Variants in FOLR3 observed in about 807,000 individuals in gnomAD.
The protein encoded by FOLR3 is folate receptor gamma, also known as folate receptor 3 (gamma).
FOLR3 carries 9 observed loss-of-function variants against 20.0 expected under a neutral mutation model. The ratio of observed to expected loss-of-function variants is 0.45; its 90% CI spans 0.27 to 0.79. The LOEUF is 0.79. Among genes scored for constraint, FOLR3 ranks in the 30% least tolerant of loss-of-function variants. The pLI is 0.15. For synonymous variants in FOLR3, 124 were observed against 115.5 expected (o/e 1.07, Z -0.47); for missense variants, 309 against 323.5 (o/e 0.96, Z 0.34).
Position 72,136,086 on chromosome 11 carries a change from C to T in FOLR3, c.134C>T (p.Thr45Ile). 1 of 1,614,104 alleles carries T rather than the reference C, an allele frequency of 6.2e-7. No individual in the cohort carries two copies. The highest frequency in any genetic ancestry group is 8.5e-7 in the Non-Finnish European group (1 of 1,179,950). Residue 45 changes from threonine (T) to isoleucine (I), a missense_variant, in exon 2 of 5, where the codon ACA becomes ATA. Physicochemically the swap from Thr to Ile is moderately conservative, Grantham distance 89. Transcript: ENST00000611028. ...TGCATGAACGCCAAGCACCACAAGA[C>T]ACAGCCCAGCCCCGAGGACGAGCTG... ...NVCMNAKHHKTQPSPEDELYG... is the reference protein window; with the variant it reads ...NVCMNAKHHKIQPSPEDELYG...
intron 2 of FOLR3, among the ~76,000 whole-genome samples, chr11:72,136,814 TG>T (rs1401706658): frequency 6.6e-6 from 1 of 152,212 alleles, no homozygotes; most frequent in Non-Finnish European, 1.5e-5. Flanking sequence ...TGATGATATT[TG>T]TTGAGCCCTT....
In FOLR3 at chr11:72,139,888, A is replaced by G; in HGVS notation, c.*57A>G. 2 of 1,590,634 alleles carry G rather than the reference A, an allele frequency of 1.3e-6. No homozygotes were observed. Among genetic ancestry groups the G allele is most frequent in the South Asian group, 2.2e-5 (2 of 89,262 alleles). On this transcript the variant is annotated 3_prime_UTR_variant, in exon 5 of 5. Transcript: ENST00000611028. ...AACCTATTCTAATAGACAAATCCACATGTGTCTTGTGTCTTGTAATTTCGG... is the reference window on the plus strand; with the variant it reads ...AACCTATTCTAATAGACAAATCCACGTGTGTCTTGTGTCTTGTAATTTCGG...
At chr11:72,137,940 C>A (rs1360537877) in intron 2 of FOLR3, among the ~76,000 whole-genome samples, 1 of 152,094 alleles carries the variant, frequency 6.6e-6, no homozygotes, top group Non-Finnish European at 1.5e-5. Flanking sequence ...TAAAACCATA[C>A]CCTCCCTGAG....
At chr11:72,139,242 G>C (rs1947784612) in intron 3 of FOLR3, 93 bp downstream of exon 3, 1 of 1,555,516 alleles carries the variant, frequency 6.4e-7, no homozygotes, top group East Asian at 2.3e-5. Flanking sequence ...ATTCGGGTCT[G>C]AGGGTGGTGG....
At chr11:72,136,556 A>G (rs1591223493) in intron 2 of FOLR3, among the ~76,000 whole-genome samples, 2 of 151,640 alleles carry the variant, frequency 1.3e-5, no homozygotes, top group Admixed American at 1.3e-4. Flanking sequence ...TACATTTTCC[A>G]CTTTAGCCAT....
At position 72,139,332 on chromosome 11, in the gene FOLR3, C is replaced by T; in HGVS notation, c.358-15C>T. On this transcript the variant is annotated splice_polypyrimidine_tract_variant and intron_variant, in intron 3 of 4. Transcript: ENST00000611028. ...TACGTGGCTGACAGGAGTATTCTGT[C>T]TCCTCCCCACTCAGGTCAACCAGAG... 1 of 1,609,290 alleles carries T rather than the reference C, an allele frequency of 6.2e-7. No individual in the cohort carries two copies. The highest frequency in any genetic ancestry group is 1.7e-5 in the Admixed American group (1 of 59,246).
chr11:72,136,100 G>A lies in FOLR3; in HGVS notation c.148G>A (p.Glu50Lys), dbSNP rs746507277. The A allele has an allele frequency of 9.9e-6, 16 of 1,613,984 alleles. No individual in the cohort carries two copies. The highest frequency in any genetic ancestry group is 8.9e-5 in the East Asian group (4 of 44,900). ...AKHHKTQPSP[E>K]DELYGQCSPW... Reference sequence around the variant, plus strand: ...GCACCACAAGACACAGCCCAGCCCCGAGGACGAGCTGTATGGCCAGGTGAG... The same window carrying A: ...GCACCACAAGACACAGCCCAGCCCCAAGGACGAGCTGTATGGCCAGGTGAG... Residue 50 changes from glutamate (E) to lysine (K), a missense_variant, in exon 2 of 5, where the codon GAG becomes AAG. Coordinates refer to ENST00000611028, the MANE Select transcript of FOLR3 (RefSeq NM_000804.4).
chr11:72,139,604 G>C lies in FOLR3; in HGVS notation c.511G>C (p.Ala171Pro). The C allele has an allele frequency of 6.2e-7, 1 of 1,613,790 alleles. No homozygotes were observed. The change falls in exon 5 of 5, where the codon GCC becomes CCC. Residue 171 changes from alanine (A) to proline (P), a missense_variant. Coordinates refer to ENST00000611028, the MANE Select transcript of FOLR3 (RefSeq NM_000804.4). ...NWTSGINECPAGALCSTFESY... is the reference protein window; with the variant it reads ...NWTSGINECPPGALCSTFESY... ...TCCCTCAGGGATTAATGAGTGTCCGGCCGGGGCCCTCTGCAGCACCTTTGA... is the reference window on the plus strand; with the variant it reads ...TCCCTCAGGGATTAATGAGTGTCCGCCCGGGGCCCTCTGCAGCACCTTTGA...
In FOLR3 at chr11:72,139,661, G is replaced by T. The variant is rs1034524239; in HGVS notation, c.568G>T (p.Glu190Ter). Residue 190 changes from glutamate (E) to a stop codon, truncating the protein, a stop_gained, in exon 5 of 5, where the codon GAA becomes TAA. Coordinates refer to ENST00000611028, the MANE Select transcript of FOLR3 (RefSeq NM_000804.4). LOFTEE classifies it low-confidence loss of function (END_TRUNC). ...CTTCCCCACTCCAGCCGCCCTTTGT[G>T]AAGGCCTCTGGAGCCACTCCTTCAA... The part of the protein sequence containing the change: ...SYFPTPAALC[E>*]GLWSHSFKVS... 17 of 1,613,586 alleles carry T rather than the reference G, an allele frequency of 1.1e-5. No individual in the cohort carries two copies. Among genetic ancestry groups the T allele is most frequent in the Non-Finnish European group, 1.4e-5 (17 of 1,179,902 alleles).
Position 72,139,579 on chromosome 11 carries a change from T to A in FOLR3, c.494-8T>A. On this transcript the variant is annotated splice_polypyrimidine_tract_variant and splice_region_variant and intron_variant, in intron 4 of 4. Coordinates refer to ENST00000611028, the MANE Select transcript of FOLR3 (RefSeq NM_000804.4). ...AGAAGCTAAGGGTCTTACGTTCTCC[T>A]CCCTCAGGGATTAATGAGTGTCCGG... The A allele has an allele frequency of 1.2e-6, 2 of 1,613,874 alleles. No homozygotes were observed. The highest frequency in any genetic ancestry group is 8.5e-7 in the Non-Finnish European group (1 of 1,179,846).
chr11:72,138,288 C>T (rs1340562290), intron 2 of FOLR3, among the ~76,000 whole-genome samples: 4 of 151,912 alleles, frequency 2.6e-5, no homozygotes, highest in Non-Finnish European at 5.9e-5. Flanking sequence ...ATTGCTTGAA[C>T]CCGGGAGGTG....
chr11:72,139,530 G>A (rs1947790115), intron 4 of FOLR3, 48 bp downstream of exon 4: 2 of 1,612,746 alleles, frequency 1.2e-6, no homozygotes, highest in Non-Finnish European at 1.7e-6. Flanking sequence ...GGGCTTTGGG[G>A]TTGGGAGGGG....
At position 72,136,113 on chromosome 11, in the gene FOLR3, A is replaced by G. The variant is rs1487966974; in HGVS notation, c.161A>G (p.Tyr54Cys). ...KTQPSPEDEL[Y>C]GQCSPWKKNA... ...CAGCCCAGCCCCGAGGACGAGCTGT[A>G]TGGCCAGGTGAGGGCAGCCTGGTGT... Residue 54 changes from tyrosine to cysteine, a missense_variant, in exon 2 of 5, where the codon TAT (tyrosine) becomes TGT (cysteine). Coordinates refer to ENST00000611028, the MANE Select transcript of FOLR3 (RefSeq NM_000804.4). The G allele has an allele frequency of 1.2e-6, 2 of 1,613,950 alleles. No homozygotes were observed. Among genetic ancestry groups the G allele is most frequent in the South Asian group, 1.1e-5 (1 of 91,082 alleles).
chr11:72,138,054 A>G (rs866268914), intron 2 of FOLR3, among the ~76,000 whole-genome samples: 1 of 152,286 alleles, frequency 6.6e-6, no homozygotes, highest in Middle Eastern at 3.4e-3. Context: ...TGCAAAATGA[A>G]TAATATAAAT....
chr11:72,139,028 C>G lies in FOLR3; in HGVS notation c.236C>G (p.Ser79Cys), dbSNP rs1370313284. ...AGCCAGGAGCTGCACAAGGACACCT[C>G]CCGCCTGTACAACTTTAACTGGGAT... ...STSQELHKDT[S>C]RLYNFNWDHC... The change falls in exon 3 of 5, where the codon TCC (serine) becomes TGC (cysteine). Residue 79 changes from serine (S) to cysteine (C), a missense_variant. Physicochemically the swap from Ser to Cys is moderately radical, Grantham distance 112. Transcript: ENST00000611028. 6.8e-6 allele frequency: 11 copies of G among 1,614,046 alleles called. No individual in the cohort carries two copies. Among genetic ancestry groups the G allele is most frequent in the Middle Eastern group, 1.6e-4 (1 of 6,062 alleles).
At chr11:72,138,052 GAAT>G (rs1947762651) in intron 2 of FOLR3, among the ~76,000 whole-genome samples, 2 of 152,136 alleles carry the variant, frequency 1.3e-5, no homozygotes, top group African/African-American at 4.8e-5. Flanking sequence ...GATGCAAAAT[GAAT>G]AATATAAATA....
chr11:72,137,591 A>T (rs1197696935), intron 2 of FOLR3, among the ~76,000 whole-genome samples: 3 of 151,604 alleles, frequency 2.0e-5, no homozygotes, highest in Admixed American at 2.0e-4. Flanking sequence ...TCCTGGGTTC[A>T]AGTGATTCTC....
intron 4 of FOLR3, 49 bp from the exon 5 acceptor site, chr11:72,139,538 G>T: frequency 6.2e-7 from 1 of 1,612,878 alleles, no homozygotes; most frequent in Non-Finnish European, 8.5e-7. Context: ...GGGTTGGGAG[G>T]GGTGCGGTCT....
intron 2 of FOLR3, among the ~76,000 whole-genome samples, chr11:72,138,129 G>A (rs1180838644): frequency 2.0e-5 from 3 of 152,156 alleles, no homozygotes; most frequent in Non-Finnish European, 1.5e-5. Flanking sequence ...CACTTTGGGA[G>A]GCCAAGGAGG....
Sources: allele counts gnomAD v4.1 joint callset (sites outside exome capture counted in the v4.1 genomes callset), GRCh38; gene constraint gnomAD v4.1.1; transcripts MANE v1.5; gene names NCBI Gene and HGNC (gene_info 2026-07-23, HGNC 2026-07-21).